UTRN: variants seen among roughly 807,000 people sequenced by gnomAD.
The protein encoded by UTRN is utrophin.
UTRN carries 283 observed loss-of-function variants against 463.9 expected under a neutral mutation model. That is an observed-to-expected ratio of 0.61 (90% CI 0.55 to 0.67). The LOEUF (loss-of-function observed/expected upper bound fraction) is 0.67. UTRN is among the 30% of genes least tolerant of loss of function. The probability of loss-of-function intolerance (pLI) is 0.00; values close to 1 mark genes in which losing one functional copy is unlikely to be tolerated. For missense variants in UTRN, 3,922 were observed against 4,084.3 expected (o/e 0.96, Z 1.08); for synonymous variants, 1,442 against 1,431.5 (o/e 1.01, Z -0.17).
intron 51 of UTRN, among the ~76,000 whole-genome samples, chr6:144,580,266 G>A (rs956081214): frequency 2.0e-5 from 3 of 152,118 alleles, no homozygotes; most frequent in Non-Finnish European, 4.4e-5. Flanking sequence ...TGTGCACTAA[G>A]GAAGATGGAA....
intron 45 of UTRN, among the ~76,000 whole-genome samples, chr6:144,541,718 C>A (rs1223733116): frequency 6.6e-6 from 1 of 151,964 alleles, no homozygotes; most frequent in Non-Finnish European, 1.5e-5. Context: ...ATGGATGAGA[C>A]CAGCAGACAA....
chr6:144,476,878 C>T (rs1259326556), intron 25 of UTRN, among the ~76,000 whole-genome samples: 4 of 152,106 alleles, frequency 2.6e-5, no homozygotes, highest in Non-Finnish European at 5.9e-5. Context: ...TGAGAAATTT[C>T]TGTCTTCAGG....
chr6:144,797,874 T>C lies in UTRN; in HGVS notation c.9129T>C (p.His3043=), dbSNP rs1777365996. The change falls in exon 64 of 75, where the codon CAT becomes CAC. Residue 3043 remains histidine, a synonymous_variant. Coordinates refer to ENST00000367545, the MANE Select transcript of UTRN (RefSeq NM_007124.3). The part of the protein sequence containing the change: ...ISVKEFIDWM[H]LEPQSMVWLP... The stretch of plus-strand genomic sequence containing the variant: ...TGAAAGAGTTTATAGATTGGATGCA[T>C]TTGGAACCACAGTCCATGGTTTGGC... 2 of 1,614,070 alleles carry C rather than the reference T, an allele frequency of 1.2e-6. No individual in the cohort carries two copies. Among genetic ancestry groups the C allele is most frequent in the Admixed American group, 3.3e-5 (2 of 60,014 alleles).
In UTRN at chr6:144,511,143, A is replaced by C. The variant is rs746553650; in HGVS notation, c.4944+20A>C. 5.4e-6 allele frequency: 8 copies of C among 1,479,238 alleles called. No homozygotes were observed. The highest frequency in any genetic ancestry group is 7.2e-6 in the Non-Finnish European group (8 of 1,104,348). 91.6% of individuals were successfully genotyped at this position (1,479,238 alleles called of 1,614,324 possible). Reference sequence around the variant, plus strand: ...TTGATGGTATGTCTCAGGAAAAAGTAAATGATGAAATCTTCTCCTCTCTTC... The same window carrying C: ...TTGATGGTATGTCTCAGGAAAAAGTCAATGATGAAATCTTCTCCTCTCTTC... On this transcript the variant is annotated intron_variant, in intron 35 of 74. Coordinates refer to ENST00000367545, the MANE Select transcript of UTRN (RefSeq NM_007124.3).
At chr6:144,289,253 T>C (rs1314915407) in intron 1 of UTRN, among the ~76,000 whole-genome samples, 2 of 152,212 alleles carry the variant, frequency 1.3e-5, no homozygotes, top group South Asian at 2.1e-4. Context: ...TAAGCCAAAA[T>C]TGGGGAGTCA....
At chr6:144,680,364 T>C (rs940327383) in intron 52 of UTRN, among the ~76,000 whole-genome samples, 9 of 152,224 alleles carry the variant, frequency 5.9e-5, no homozygotes, top group African/African-American at 1.9e-4. Flanking sequence ...AAAGAACTTA[T>C]AAACTACAGT....
intron 52 of UTRN, among the ~76,000 whole-genome samples, chr6:144,699,049 T>C (rs972278928): frequency 6.6e-6 from 1 of 152,220 alleles, no homozygotes; most frequent in African/African-American, 2.4e-5. Context: ...TTCCAACTTT[T>C]TGAAGTAAAC....
intron 50 of UTRN, 32 bp from the exon 51 acceptor site, chr6:144,577,067 A>G: frequency 6.3e-7 from 1 of 1,599,276 alleles, no homozygotes; most frequent in Non-Finnish European, 8.6e-7. Context: ...ACTGTAAGTA[A>G]TGGAGCCGTG....
chr6:144,504,093 C>G (rs1016958191), intron 34 of UTRN, among the ~76,000 whole-genome samples: 2 of 152,230 alleles, frequency 1.3e-5, no homozygotes, highest in East Asian at 3.9e-4. Flanking sequence ...GATTTTGTAT[C>G]CTGAGACTTT....
intron 53 of UTRN, among the ~76,000 whole-genome samples, chr6:144,711,255 G>A (rs950502230): frequency 2.6e-5 from 4 of 151,924 alleles, no homozygotes. Context: ...GGCGGAGGTT[G>A]CAGTGAACCA....
chr6:144,441,672 C>T (rs1787178561), intron 13 of UTRN, among the ~76,000 whole-genome samples: 1 of 152,200 alleles, frequency 6.6e-6, no homozygotes, highest in Non-Finnish European at 1.5e-5. Flanking sequence ...CTAGGTGGTG[C>T]CACAGTAGGG....
At chr6:144,662,790 A>G (rs1297934359) in intron 51 of UTRN, among the ~76,000 whole-genome samples, 1 of 152,222 alleles carries the variant, frequency 6.6e-6, no homozygotes, top group Non-Finnish European at 1.5e-5. Flanking sequence ...CCCAGGTGAA[A>G]GCAGACCTTC....
At chr6:144,421,667 C>A (rs192088027) in intron 3 of UTRN, among the ~76,000 whole-genome samples, 3 of 150,186 alleles carry the variant, frequency 2.0e-5, no homozygotes, top group Non-Finnish European at 3.0e-5. Context: ...CCAGCCTGGG[C>A]GACAGAGTGA....
chr6:144,472,793 G>C (rs1168521422), intron 23 of UTRN, among the ~76,000 whole-genome samples: 1 of 147,838 alleles, frequency 6.8e-6, no homozygotes, highest in Non-Finnish European at 1.5e-5. Context: ...TTTTGAGACA[G>C]AGTCTTGCTC....
At chr6:144,412,756 ACAC>A (rs1199957734) in intron 3 of UTRN, among the ~76,000 whole-genome samples, 7 of 114,780 alleles carry the variant, frequency 6.1e-5, no homozygotes, top group African/African-American at 2.1e-4. Context: ...ATATATACAC[ACAC>A]CATACACACA....
Position 144,626,678 on chromosome 6 carries a change from G to A in UTRN, c.7479+49390G>A, listed in dbSNP as rs188574543. Reference sequence around the variant, plus strand: ...TTTTGAGACGGAGTCTCGCTCTGTCGCCCAGGCTAGAGATGCAGTGGCACA... The same window carrying A: ...TTTTGAGACGGAGTCTCGCTCTGTCACCCAGGCTAGAGATGCAGTGGCACA... On this transcript the variant is annotated intron_variant, in intron 51 of 74. Coordinates refer to ENST00000367545, the MANE Select transcript of UTRN (RefSeq NM_007124.3). 2.0e-4 allele frequency among the ~76,000 whole-genome samples: 31 copies of A among 152,068 alleles called. No homozygotes were observed. The East Asian group carries it at 2.7e-3, about 13-fold the overall frequency.
intron 51 of UTRN, among the ~76,000 whole-genome samples, chr6:144,605,184 A>C (rs1002790253): frequency 4.6e-5 from 7 of 152,170 alleles, no homozygotes; most frequent in Non-Finnish European, 8.8e-5. Context: ...GTACCAGGTC[A>C]TAGGACCTTC....
chr6:144,770,830 G>A (rs922102512), intron 58 of UTRN, among the ~76,000 whole-genome samples: 1 of 152,198 alleles, frequency 6.6e-6, no homozygotes, highest in Admixed American at 6.5e-5. Flanking sequence ...GGAACACAGA[G>A]TCTAAGTGGC....
chr6:144,657,890 G>C lies in UTRN; in HGVS notation c.7480-20516G>C, dbSNP rs190309293. Among the ~76,000 whole-genome samples the C allele has an allele frequency of 1.2e-4, 18 of 152,070 alleles. No homozygotes were observed. In the East Asian group the frequency reaches 1.4e-3, roughly 11 times the overall value. On this transcript the variant is annotated intron_variant, in intron 51 of 74. Coordinates refer to ENST00000367545, the MANE Select transcript of UTRN (RefSeq NM_007124.3). ...CCCTTTTTTATTTATTTATTTTTTT[G>C]TGTGTGTGGTGGTGGTGATGGTGCT...
Sources: allele counts gnomAD v4.1 joint callset (sites outside exome capture counted in the v4.1 genomes callset), GRCh38; gene constraint gnomAD v4.1.1; transcripts MANE v1.5; gene names NCBI Gene and HGNC (gene_info 2026-07-23, HGNC 2026-07-21).